MMP26: variants seen among roughly 807,000 people sequenced by gnomAD.
The protein encoded by MMP26 is matrix metalloproteinase-26.
A neutral mutation model predicts 31.0 loss-of-function variants in MMP26; 33 were observed. The observed-to-expected ratio is 1.06, with a 90% CI of 0.81 to 1.42. The LOEUF (loss-of-function observed/expected upper bound fraction) is 1.42, where lower values mean the gene tolerates loss of function less well. Ranked by LOEUF, MMP26 falls within the 40% of genes most tolerant of loss-of-function variation. The pLI is 0.00. For missense variants in MMP26, 347 were observed against 316.1 expected (o/e 1.10, Z -0.74); for synonymous variants, 122 against 114.9 (o/e 1.06, Z -0.40).
intron 2 of MMP26, among the ~76,000 whole-genome samples, chr11:4,834,833 A>G (rs1849693865): frequency 6.6e-6 from 1 of 152,184 alleles, no homozygotes; most frequent in Non-Finnish European, 1.5e-5. Context: ...TAAAAGCTTT[A>G]AGATCTCAAT....
intron 2 of MMP26, among the ~76,000 whole-genome samples, chr11:4,854,923 G>T (rs1269198276): frequency 6.6e-6 from 1 of 152,160 alleles, no homozygotes; most frequent in East Asian, 1.9e-4. Flanking sequence ...CTGTTCTGCA[G>T]CCTCCGCTGG....
At chr11:4,923,959 G>A (rs757336189) in intron 2 of MMP26, 10 of 1,613,992 alleles carry the variant, frequency 6.2e-6, no homozygotes, top group Middle Eastern at 1.6e-4. Flanking sequence ...GGTTGCAGAC[G>A]GCCACGTAGC....
intron 2 of MMP26, among the ~76,000 whole-genome samples, chr11:4,807,698 C>A (rs1182155597): frequency 1.3e-5 from 2 of 152,096 alleles, no homozygotes; most frequent in Admixed American, 6.6e-5. Context: ...AGCAAACCAA[C>A]GTGGCACATG....
intron 2 of MMP26, among the ~76,000 whole-genome samples, chr11:4,893,712 G>C (rs1376157201): frequency 6.6e-6 from 1 of 152,050 alleles, no homozygotes. Context: ...AGTTAAAAAA[G>C]AATGACTAAA....
At chr11:4,828,004 G>A (rs765304177) in intron 2 of MMP26, among the ~76,000 whole-genome samples, 18 of 152,106 alleles carry the variant, frequency 1.2e-4, no homozygotes. Flanking sequence ...TGTGCCATAA[G>A]GCAAACATGA....
At chr11:4,732,261 A>G (rs1011623501) in intron 1 of MMP26, among the ~76,000 whole-genome samples, 2 of 152,064 alleles carry the variant, frequency 1.3e-5, no homozygotes, top group Admixed American at 6.6e-5. Flanking sequence ...TGAATTCCCT[A>G]TCTTTATGGA....
In MMP26 at chr11:4,946,847, C is replaced by G. The variant is rs764506473; in HGVS notation, c.-144-41221C>G. The stretch of plus-strand genomic sequence containing the variant: ...TTCAGGAGCATTGAACAGGAAGATG[C>G]TTAACACAGTGGGCAGAGATGATAA... On this transcript the variant is annotated intron_variant, in intron 2 of 7. Coordinates refer to ENST00000380390, the MANE Select transcript of MMP26 (RefSeq NM_021801.5). The G allele has an allele frequency of 2.5e-6, 4 of 1,590,818 alleles. No homozygotes were observed. The South Asian group carries it at 3.3e-5, about 13-fold the overall frequency.
At chr11:4,986,932 C>CTCTCTCTCTCTCTCTCT (rs1564819722) in intron 2 of MMP26, among the ~76,000 whole-genome samples, 13 of 60,444 alleles carry the variant, frequency 2.2e-4, no homozygotes, top group Middle Eastern at 0.013. Context: ...TCTCTCTCTC[C>CTCTCTCTCTCTCTCTCT]CTCTCTCTCT....
chr11:4,980,588 G>A (rs566071270), intron 2 of MMP26, among the ~76,000 whole-genome samples: 11 of 152,130 alleles, frequency 7.2e-5, no homozygotes, highest in African/African-American at 1.7e-4. Context: ...AAAACCCAAC[G>A]AAATAGTGAA....
chr11:4,766,955 G>A (rs993185763), intron 1 of MMP26, among the ~76,000 whole-genome samples: 16 of 152,086 alleles, frequency 1.1e-4, no homozygotes, highest in Middle Eastern at 3.4e-3. Context: ...CAGCTAGCAG[G>A]CATGTAGAAT....
intron 2 of MMP26, among the ~76,000 whole-genome samples, chr11:4,898,996 G>A (rs577410560): frequency 6.6e-6 from 1 of 152,100 alleles, no homozygotes; most frequent in Non-Finnish European, 1.5e-5. Flanking sequence ...ATCTGGAACT[G>A]GAACAACCCT....
In MMP26 at chr11:4,810,272, C is replaced by T. The variant is rs546390019; in HGVS notation, c.-145+42931C>T. Among the ~76,000 whole-genome samples the T allele has an allele frequency of 3.8e-4, 57 of 150,802 alleles. No homozygotes were observed. In the East Asian group the frequency reaches 0.011, roughly 28 times the overall value. Reference sequence around the variant, plus strand: ...AGTCGGAGTACATATATTTATAATTCAGGGGATATTTTGTACAATATGAAA... The same window carrying T: ...AGTCGGAGTACATATATTTATAATTTAGGGGATATTTTGTACAATATGAAA... On this transcript the variant is annotated intron_variant, in intron 2 of 7. Transcript: ENST00000380390.
At chr11:4,841,816 C>G (rs1482940558) in intron 2 of MMP26, among the ~76,000 whole-genome samples, 1 of 152,106 alleles carries the variant, frequency 6.6e-6, no homozygotes, top group Non-Finnish European at 1.5e-5. Context: ...GCCTGTAATC[C>G]CAGCTACTCC....
intron 1 of MMP26, chr11:4,737,162 C>T (rs1848252002): frequency 6.6e-6 from 1 of 152,146 alleles, no homozygotes; most frequent in Non-Finnish European, 1.5e-5. Context: ...AATGATAAAA[C>T]CATTCATCAG....
chr11:4,924,405 G>T (rs1347739633), intron 2 of MMP26: 2 of 1,472,658 alleles, frequency 1.4e-6, no homozygotes, highest in Non-Finnish European at 1.8e-6. Context: ...TGACAAGGCT[G>T]AATTCTCACT....
chr11:4,724,609 T>C (rs1463531136), intron 1 of MMP26, among the ~76,000 whole-genome samples: 3 of 152,202 alleles, frequency 2.0e-5, no homozygotes, highest in Non-Finnish European at 4.4e-5. Flanking sequence ...TTTTGGAGAA[T>C]ATAAAATCTA....
intron 2 of MMP26, among the ~76,000 whole-genome samples, chr11:4,789,807 T>C (rs1848999372): frequency 6.6e-6 from 1 of 151,890 alleles, no homozygotes; most frequent in Non-Finnish European, 1.5e-5. Context: ...CCTAAAGTGC[T>C]GGGAAGCACT....
chr11:4,837,766 A>G (rs895487713), intron 2 of MMP26, among the ~76,000 whole-genome samples: 2 of 152,104 alleles, frequency 1.3e-5, no homozygotes, highest in African/African-American at 4.8e-5. Context: ...GCCAGTGTGC[A>G]GGAGACAGCA....
At chr11:4,928,155 A>G (rs1589942200) in intron 2 of MMP26, among the ~76,000 whole-genome samples, 1 of 151,982 alleles carries the variant, frequency 6.6e-6, no homozygotes, top group South Asian at 2.1e-4. Context: ...TTATTTTCTT[A>G]TGCTTTAAAA....
Sources: allele counts gnomAD v4.1 joint callset (sites outside exome capture counted in the v4.1 genomes callset), GRCh38; gene constraint gnomAD v4.1.1; transcripts MANE v1.5; gene names NCBI Gene and HGNC (gene_info 2026-07-23, HGNC 2026-07-21).